Variants in GABRG2 observed in about 807,000 individuals in gnomAD.
The protein encoded by GABRG2 is gamma-aminobutyric acid receptor subunit gamma-2.
A neutral mutation model predicts 56.4 loss-of-function variants in GABRG2; 16 were observed. The observed-to-expected ratio is 0.28, with a 90% CI of 0.19 to 0.43. The LOEUF is 0.43. Among genes scored for constraint, GABRG2 ranks in the 20% least tolerant of loss-of-function variants. GABRG2 has a pLI of 1.00. For synonymous variants in GABRG2, 208 were observed against 205.5 expected, an observed-to-expected ratio of 1.01 and a Z score of -0.10; for missense variants, 327 against 582.7, an observed-to-expected ratio of 0.56 and a Z score of 4.52.
chr5:162,139,011 T>TA (rs200295068), intron 6 of GABRG2, among the ~76,000 whole-genome samples: 3,592 of 145,656 alleles, frequency 0.025, 122 homozygotes, highest in East Asian at 0.19. Flanking sequence ...CACTACAACT[T>TA]AAAAAAAAAA....
chr5:162,072,042 ATT>A (rs1214132878), intron 1 of GABRG2, among the ~76,000 whole-genome samples: 6 of 152,020 alleles, frequency 3.9e-5, no homozygotes, highest in Non-Finnish European at 7.4e-5. Flanking sequence ...TTGGCTTGTA[ATT>A]TAAATAATGA....
intron 1 of GABRG2, among the ~76,000 whole-genome samples, chr5:162,079,310 A>T (rs1214721084): frequency 6.6e-6 from 1 of 152,270 alleles, no homozygotes; most frequent in East Asian, 1.9e-4. Context: ...AGTCTCCTTT[A>T]CTTCAGGTTG....
At chr5:162,101,096 T>G in intron 4 of GABRG2, 139 bp from the exon 5 acceptor site, 1 of 692,964 alleles carries the variant, frequency 1.4e-6, no homozygotes, top group Non-Finnish European at 2.5e-6. Flanking sequence ...ACTTGGTGGA[T>G]TTCTTCATTG....
intron 5 of GABRG2, chr5:162,101,826 A>G (rs1225738660): frequency 6.3e-6 from 1 of 159,392 alleles, no homozygotes; most frequent in East Asian, 1.8e-4. Flanking sequence ...TTTATCAGAT[A>G]GATAATAGAA....
chr5:162,082,507 G>A (rs774179800), intron 1 of GABRG2, among the ~76,000 whole-genome samples: 13 of 151,558 alleles, frequency 8.6e-5, no homozygotes, highest in Non-Finnish European at 1.9e-4. Flanking sequence ...TTTTTATATT[G>A]TTCCAGAATT....
At chr5:162,091,909 GAA>G (rs1760626490) in intron 1 of GABRG2, among the ~76,000 whole-genome samples, 1 of 152,062 alleles carries the variant, frequency 6.6e-6, no homozygotes, top group South Asian at 2.1e-4. Context: ...TCTTGAGAGA[GAA>G]AGAGAAAGAG....
intron 6 of GABRG2, among the ~76,000 whole-genome samples, chr5:162,124,487 C>T (rs1179216287): frequency 6.6e-6 from 1 of 151,750 alleles, no homozygotes; most frequent in East Asian, 1.9e-4. Flanking sequence ...TTTAGAGAGG[C>T]CCTCCCGAGA....
chr5:162,119,755 T>A (rs1258765682), intron 6 of GABRG2, among the ~76,000 whole-genome samples: 1 of 152,206 alleles, frequency 6.6e-6, no homozygotes, highest in African/African-American at 2.4e-5. Context: ...TTCAATAGCA[T>A]GTCATTCCCA....
chr5:162,114,407 T>A (rs534850856), intron 6 of GABRG2, among the ~76,000 whole-genome samples: 1 of 152,216 alleles, frequency 6.6e-6, no homozygotes, highest in East Asian at 1.9e-4. Context: ...AATATTATTT[T>A]ATCTTTTAAA....
intron 1 of GABRG2, among the ~76,000 whole-genome samples, chr5:162,087,472 A>G (rs751568970): frequency 9.9e-5 from 15 of 151,918 alleles, no homozygotes; most frequent in Non-Finnish European, 1.6e-4. Context: ...AAAAGTGGCT[A>G]TTTTCCTCTT....
At chr5:162,112,434 G>A (rs907454308) in intron 6 of GABRG2, among the ~76,000 whole-genome samples, 9 of 151,954 alleles carry the variant, frequency 5.9e-5, no homozygotes, top group African/African-American at 2.2e-4. Context: ...ATGCAAAAAT[G>A]TGAGAGAATG....
chr5:162,078,028 T>C (rs1005091705), intron 1 of GABRG2, among the ~76,000 whole-genome samples: 3 of 152,210 alleles, frequency 2.0e-5, no homozygotes, highest in Middle Eastern at 3.4e-3. Flanking sequence ...TTCTGTCATA[T>C]GCTGTTGGTG....
chr5:162,106,745 C>T (rs1469095319), intron 6 of GABRG2, among the ~76,000 whole-genome samples: 2 of 152,152 alleles, frequency 1.3e-5, no homozygotes, highest in African/African-American at 4.8e-5. Context: ...TTTATTCATT[C>T]AAGCTTTGTT....
chr5:162,093,864 T>C lies in GABRG2; in HGVS notation c.144T>C (p.Asp48=). The part of the protein sequence containing the change: ...TSQKSDDDYE[D]YASNKTWVLT... ...AGAAATCTGATGATGACTATGAAGATTATGCTTCTAACAAAACATGGGTCT... is the reference window on the plus strand; with the variant it reads ...AGAAATCTGATGATGACTATGAAGACTATGCTTCTAACAAAACATGGGTCT... The change falls in exon 2 of 10, where the codon GAT becomes GAC. Residue 48 remains aspartate, a synonymous_variant. Transcript: ENST00000639213. The C allele has an allele frequency of 6.2e-7, 1 of 1,613,248 alleles. No individual in the cohort carries two copies. The highest frequency in any genetic ancestry group is 8.5e-7 in the Non-Finnish European group (1 of 1,179,466).
chr5:162,069,718 C>A (rs1758517912), intron 1 of GABRG2, among the ~76,000 whole-genome samples: 1 of 152,062 alleles, frequency 6.6e-6, no homozygotes, highest in Non-Finnish European at 1.5e-5. Context: ...ATGAGAGGGC[C>A]TTTTACTGGA....
intron 1 of GABRG2, among the ~76,000 whole-genome samples, chr5:162,089,738 A>G (rs1045587040): frequency 1.3e-5 from 2 of 152,176 alleles, no homozygotes; most frequent in Non-Finnish European, 2.9e-5. Flanking sequence ...TCAAACATCA[A>G]TAGATTTAAG....
chr5:162,147,373 C>CT (rs1765041586), intron 7 of GABRG2, among the ~76,000 whole-genome samples: 1 of 149,058 alleles, frequency 6.7e-6, no homozygotes, highest in African/African-American at 2.5e-5. Flanking sequence ...GTCTGTCTGT[C>CT]TTTCTTTTTG....
chr5:162,128,881 C>A (rs754282402), intron 6 of GABRG2, among the ~76,000 whole-genome samples: 2 of 151,914 alleles, frequency 1.3e-5, no homozygotes, highest in Non-Finnish European at 2.9e-5. Context: ...AACTAAAATT[C>A]TACATCTAGA....
rs548218094 is a variant in GABRG2 at position 162,121,850 on chromosome 5, A to C, written c.769+17824A>C. 3.3e-5 allele frequency among the ~76,000 whole-genome samples: 5 copies of C among 152,132 alleles called. No homozygotes were observed. The East Asian group carries it at 9.7e-4, about 29-fold the overall frequency. On this transcript the variant is annotated intron_variant, in intron 6 of 9. Transcript: ENST00000639213. ...TTGTGGACAGAACAGAAAGAGCATCAATGTGTCCTCTTAAGATCACGGGAT... is the reference window on the plus strand; with the variant it reads ...TTGTGGACAGAACAGAAAGAGCATCCATGTGTCCTCTTAAGATCACGGGAT...
Sources: allele counts gnomAD v4.1 joint callset (sites outside exome capture counted in the v4.1 genomes callset), GRCh38; gene constraint gnomAD v4.1.1; transcripts MANE v1.5; gene names NCBI Gene and HGNC (gene_info 2026-07-23, HGNC 2026-07-21).